SORCS2: variants seen among roughly 807,000 people sequenced by gnomAD.
SORCS2 encodes the protein VPS10 domain-containing receptor SorCS2.
A neutral mutation model predicts 141.6 loss-of-function variants in SORCS2; 100 were observed. That is an observed-to-expected ratio of 0.71 (90% CI 0.60 to 0.83). The LOEUF (loss-of-function observed/expected upper bound fraction) is 0.83, where lower values mean the gene tolerates loss of function less well. Ranked by LOEUF, SORCS2 falls within the 40% of genes least tolerant of loss-of-function variation. The pLI, the probability that SORCS2 is intolerant of heterozygous loss-of-function variation, is 0.00. For missense variants in SORCS2, 1,646 were observed against 1,560.2 expected (o/e 1.05, Z -0.93); for synonymous variants, 789 against 676.9 (o/e 1.17, Z -2.57).
Position 7,734,315 on chromosome 4 carries a change from G to A in SORCS2, c.3252G>A (p.Val1084=). ...GCGGTGGCGGCTACTGGGCGGTAGT[G>A]GTGCTGTTTGTCATCGGGCTCTTCG... ...LGGGGGYWAV[V]VLFVIGLFAA... is the part of the protein sequence containing the mutation. Residue 1084 remains valine (V), a synonymous_variant, in exon 25 of 27, where the codon GTG becomes GTA. Coordinates refer to ENST00000507866, the MANE Select transcript of SORCS2 (RefSeq NM_020777.3). 1 of 1,602,594 alleles carries A rather than the reference G, an allele frequency of 6.2e-7. No homozygotes were observed. The highest frequency in any genetic ancestry group is 8.5e-7 in the Non-Finnish European group (1 of 1,175,402).
chr4:7,241,561 C>T (rs1254543508), intron 1 of SORCS2, among the ~76,000 whole-genome samples: 2 of 152,088 alleles, frequency 1.3e-5, no homozygotes, highest in African/African-American at 2.4e-5. Flanking sequence ...GTTGTGATGG[C>T]GTCAGATGAT....
chr4:7,214,258 A>G (rs1224380128), intron 1 of SORCS2, among the ~76,000 whole-genome samples: 1 of 152,212 alleles, frequency 6.6e-6, no homozygotes, highest in East Asian at 1.9e-4. Context: ...TGATTAGGTC[A>G]TGAGCTCTCT....
chr4:7,426,800 C>G (rs1036004513), intron 2 of SORCS2, among the ~76,000 whole-genome samples: 1 of 152,160 alleles, frequency 6.6e-6, no homozygotes, highest in East Asian at 1.9e-4. Flanking sequence ...AGTGGTGAGG[C>G]GAGGCCCTCC....
At chr4:7,356,384 G>A (rs1721254398) in intron 1 of SORCS2, among the ~76,000 whole-genome samples, 1 of 152,208 alleles carries the variant, frequency 6.6e-6, no homozygotes, top group Non-Finnish European at 1.5e-5. Context: ...CAAGGCTCTG[G>A]CTGAGTTTCT....
At chr4:7,378,161 T>A (rs1263581855) in intron 1 of SORCS2, among the ~76,000 whole-genome samples, 1 of 152,320 alleles carries the variant, frequency 6.6e-6, no homozygotes, top group East Asian at 1.9e-4. Flanking sequence ...TTGTGACTCT[T>A]CATGGCCATG....
Position 7,729,702 on chromosome 4 carries a change from C to T in SORCS2, c.3098C>T (p.Ser1033Leu), listed in dbSNP as rs199619297. The change falls in exon 23 of 27, where the codon TCG becomes TTG. Residue 1033 changes from serine (S) to leucine (L), a missense_variant. Physicochemically the swap from Ser to Leu is moderately radical, Grantham distance 145 (BLOSUM62 -2). Coordinates refer to ENST00000507866, the MANE Select transcript of SORCS2 (RefSeq NM_020777.3). ...PPRPTRKRSL[S>L]SDKRLAAIQQ... Reference sequence around the variant, plus strand: ...AGGCCCACAAGGAAGAGGAGCCTCTCGAGTGATAAGGTATGTCCTGTGGCC... The same window carrying T: ...AGGCCCACAAGGAAGAGGAGCCTCTTGAGTGATAAGGTATGTCCTGTGGCC... 917 of 1,611,060 alleles carry T rather than the reference C, an allele frequency of 5.7e-4. 1 individual carries two copies. Among genetic ancestry groups the T allele is most frequent in the Non-Finnish European group, 7.2e-4 (853 of 1,178,778 alleles).
intron 18 of SORCS2, among the ~76,000 whole-genome samples, chr4:7,720,114 T>C (rs926334016): frequency 1.3e-5 from 2 of 152,140 alleles, no homozygotes; most frequent in Non-Finnish European, 2.9e-5. Context: ...CGCAGATTTG[T>C]ACACACTCAC....
At chr4:7,219,079 CTA>C (rs924824233) in intron 1 of SORCS2, among the ~76,000 whole-genome samples, 1 of 152,094 alleles carries the variant, frequency 6.6e-6, no homozygotes, top group African/African-American at 2.4e-5. Context: ...TTGGGGACCA[CTA>C]TGTCTTTCTT....
chr4:7,703,259 C>G, intron 12 of SORCS2, 21 bp from the exon 13 acceptor site: 2 of 1,598,146 alleles, frequency 1.3e-6, no homozygotes, highest in Non-Finnish European at 1.7e-6. Flanking sequence ...CTGCCCTCAG[C>G]CACACCACTC....
At chr4:7,338,161 T>TTGGA (rs202176320) in intron 1 of SORCS2, among the ~76,000 whole-genome samples, 1 of 100,948 alleles carries the variant, frequency 9.9e-6, no homozygotes, top group Non-Finnish European at 2.1e-5. Flanking sequence ...TGGATGTTGG[T>TTGGA]TGGATGGATG....
Position 7,209,510 on chromosome 4 carries a change from G to A in SORCS2, c.480+16384G>A, listed in dbSNP as rs192503270. Among the ~76,000 whole-genome samples the A allele has an allele frequency of 4.0e-3, 606 of 152,242 alleles. 5 individuals carry two copies. Among genetic ancestry groups the A allele is most frequent in the African/African-American group, 0.014 (563 of 41,546 alleles). On this transcript the variant is annotated intron_variant, in intron 1 of 26. Transcript: ENST00000507866. ...AAACGGTCCCTGCCGGGACCCCAGC[G>A]TGAGGCTGGCTTCTGTGGCCGGCTC...
intron 2 of SORCS2, among the ~76,000 whole-genome samples, chr4:7,412,967 C>A (rs1364827894): frequency 6.6e-6 from 1 of 152,158 alleles, no homozygotes; most frequent in Admixed American, 6.5e-5. Context: ...CCACCATGAG[C>A]CCAGGGGCTT....
intron 2 of SORCS2, among the ~76,000 whole-genome samples, chr4:7,411,070 C>T (rs1725273638): frequency 1.3e-5 from 2 of 149,658 alleles, no homozygotes; most frequent in Admixed American, 6.7e-5. Context: ...ATTCTCCTAC[C>T]TCAGCCTCCC....
At chr4:7,365,782 G>A (rs899315176) in intron 1 of SORCS2, among the ~76,000 whole-genome samples, 5 of 152,158 alleles carry the variant, frequency 3.3e-5, no homozygotes, top group African/African-American at 9.7e-5. Flanking sequence ...TAAACAACAC[G>A]TGTGTCATTT....
At chr4:7,518,034 A>G (rs1733096942) in intron 2 of SORCS2, among the ~76,000 whole-genome samples, 1 of 152,224 alleles carries the variant, frequency 6.6e-6, no homozygotes, top group Non-Finnish European at 1.5e-5. Flanking sequence ...TGTGCCTTGT[A>G]ACTGAAATAC....
At chr4:7,323,489 C>T (rs1024877082) in intron 1 of SORCS2, among the ~76,000 whole-genome samples, 1 of 152,174 alleles carries the variant, frequency 6.6e-6, no homozygotes, top group Non-Finnish European at 1.5e-5. Flanking sequence ...CACGTTCAGA[C>T]TCCCACACCC....
At chr4:7,390,567 G>C (rs913718066) in intron 1 of SORCS2, among the ~76,000 whole-genome samples, 3 of 152,184 alleles carry the variant, frequency 2.0e-5, no homozygotes, top group African/African-American at 7.2e-5. Context: ...ATTATTGCGC[G>C]TCTCTCCGTA....
intron 3 of SORCS2, among the ~76,000 whole-genome samples, chr4:7,543,678 A>C (rs1712921573): frequency 1.0e-5 from 1 of 95,372 alleles, no homozygotes; most frequent in Non-Finnish European, 2.4e-5. Flanking sequence ...CCATCCATCC[A>C]CCCATCCACC....
chr4:7,699,562 C>A (rs983956518), intron 12 of SORCS2, among the ~76,000 whole-genome samples: 2 of 152,108 alleles, frequency 1.3e-5, no homozygotes, highest in African/African-American at 4.8e-5. Flanking sequence ...TGCACCACAC[C>A]CTGCTGTTCA....
Sources: gnomAD v4.1 joint callset for allele counts (sites outside exome capture counted in the v4.1 genomes callset) on GRCh38, gnomAD v4.1.1 for gene constraint, MANE v1.5 for transcripts, NCBI Gene and HGNC (gene_info 2026-07-23, HGNC 2026-07-21) for gene names.